The following GALNT14 variants were observed in gnomAD, a reference collection of about 807,000 sequenced individuals.
The protein encoded by GALNT14 is polypeptide N-acetylgalactosaminyltransferase 14, also known as UDP-GalNAc:polypeptide N-acetylgalactosaminyltransferase 14.
GALNT14 carries 60 observed loss-of-function variants against 77.5 expected under a neutral mutation model. That is an observed-to-expected ratio of 0.77 (90% CI 0.63 to 0.96). The LOEUF is 0.96. Among genes scored for constraint, GALNT14 ranks in the 40% least tolerant of loss-of-function variants. The pLI is 0.00. For synonymous variants in GALNT14, 280 were observed against 281.7 expected (o/e 0.99, Z 0.06); for missense variants, 710 against 731.0 (o/e 0.97, Z 0.33).
At chr2:30,982,659 C>G (rs1250119408) in intron 2 of GALNT14, among the ~76,000 whole-genome samples, 1 of 152,130 alleles carries the variant, frequency 6.6e-6, no homozygotes, top group Admixed American at 6.5e-5. Flanking sequence ...TCTGATGGGG[C>G]ACGGGCATAA....
At chr2:31,062,262 G>T (rs1205519829) in intron 1 of GALNT14, among the ~76,000 whole-genome samples, 1 of 152,044 alleles carries the variant, frequency 6.6e-6, no homozygotes, top group Non-Finnish European at 1.5e-5. Context: ...CCCTCCCTGT[G>T]TCCACGTGTT....
chr2:30,947,629 C>T (rs894035114), intron 6 of GALNT14, among the ~76,000 whole-genome samples: 12 of 152,204 alleles, frequency 7.9e-5, no homozygotes, highest in African/African-American at 2.7e-4. Context: ...CCAGCAGGTC[C>T]CTGGGAACCA....
chr2:30,975,703 C>T (rs1329783279), intron 2 of GALNT14, among the ~76,000 whole-genome samples: 1 of 152,040 alleles, frequency 6.6e-6, no homozygotes, highest in Non-Finnish European at 1.5e-5. Context: ...GTATATAATA[C>T]AAATTAAAAT....
intron 1 of GALNT14, among the ~76,000 whole-genome samples, chr2:31,064,045 G>A (rs372743089): frequency 2.0e-5 from 3 of 152,146 alleles, no homozygotes; most frequent in East Asian, 1.9e-4. Flanking sequence ...TTTTGCAGAT[G>A]GCAAAGAAGG....
intron 4 of GALNT14, among the ~76,000 whole-genome samples, chr2:30,957,146 C>T (rs1573034389): frequency 6.6e-6 from 1 of 152,146 alleles, no homozygotes; most frequent in East Asian, 1.9e-4. Flanking sequence ...GGCCTCCCTG[C>T]TTGGCTCTGA....
Position 31,075,489 on chromosome 2 carries a change from C to T in GALNT14, c.129+62469G>A, listed in dbSNP as rs142229563. On this transcript the variant is annotated intron_variant, in intron 1 of 14. Transcript: ENST00000349752. Reference sequence around the variant, plus strand: ...GAAACAATCTCTGCGTCCTGGAGATCGGCTTGAAAAGTGTTTCTTGAATGA... The same window carrying T: ...GAAACAATCTCTGCGTCCTGGAGATTGGCTTGAAAAGTGTTTCTTGAATGA... Among the ~76,000 whole-genome samples, 322 of 152,258 alleles carry T rather than the reference C, an allele frequency of 2.1e-3. 1 individual carries two copies. Among genetic ancestry groups the T allele is most frequent in the African/African-American group, 7.4e-3 (307 of 41,552 alleles).
chr2:31,020,452 C>A (rs1573176432), intron 1 of GALNT14, among the ~76,000 whole-genome samples: 1 of 152,218 alleles, frequency 6.6e-6, no homozygotes, highest in Non-Finnish European at 1.5e-5. Flanking sequence ...TCAGAGCACC[C>A]TCTCTGGGTA....
In GALNT14 at chr2:30,917,076, C is replaced by CAAAAAAAAAAAAAAAAAAA. The variant is rs529653696; in HGVS notation, c.1381-4753_1381-4735dup. Among the ~76,000 whole-genome samples the CAAAAAAAAAAAAAAAAAAA allele has an allele frequency of 5.0e-4, 10 of 19,892 alleles. 3 individuals are homozygous for CAAAAAAAAAAAAAAAAAAA. The highest frequency in any genetic ancestry group is 8.3e-4 in the Non-Finnish European group (9 of 10,810). The allele number at this position is 19,892 out of a possible 152,430, so 13.0% of individuals were successfully genotyped here. A position where few individuals can be genotyped will look rare whatever the true frequency, so the allele number is the denominator to read the frequency against. On this transcript the variant is annotated intron_variant, in intron 13 of 14. Transcript: ENST00000349752. ...TGGGCAAAAGAGTAAGACTCCGTCT[C>CAAAAAAAAAAAAAAAAAAA]AAAAAAAAAAAAAAAAAAAAAAAAA...
chr2:30,982,802 T>C (rs1047536805), intron 2 of GALNT14, among the ~76,000 whole-genome samples: 2 of 152,236 alleles, frequency 1.3e-5, no homozygotes, highest in Non-Finnish European at 2.9e-5. Context: ...CATATGTATC[T>C]TATATTTCAA....
intron 2 of GALNT14, among the ~76,000 whole-genome samples, chr2:30,986,226 G>A (rs1163540221): frequency 1.3e-5 from 2 of 152,206 alleles, no homozygotes; most frequent in Non-Finnish European, 2.9e-5. Context: ...CACAGACCCA[G>A]CCAGGCCAGG....
At chr2:31,019,247 ACT>A (rs1325211403) in intron 1 of GALNT14, among the ~76,000 whole-genome samples, 1 of 151,922 alleles carries the variant, frequency 6.6e-6, no homozygotes, top group Non-Finnish European at 1.5e-5. Flanking sequence ...TTCTGCTGAC[ACT>A]CTATTTCAAC....
chr2:31,114,730 G>A (rs936959835), intron 1 of GALNT14: 1 of 715,836 alleles, frequency 1.4e-6, no homozygotes, highest in African/African-American at 1.7e-5. Flanking sequence ...ACAAATGGAA[G>A]TAAAGAATTT....
chr2:30,954,103 G>A (rs370434098), intron 6 of GALNT14, among the ~76,000 whole-genome samples: 14 of 152,146 alleles, frequency 9.2e-5, no homozygotes, highest in East Asian at 5.8e-4. Flanking sequence ...GAGGGGAGCC[G>A]TGGACGAGGC....
chr2:30,960,724 A>G (rs11886363), intron 3 of GALNT14, among the ~76,000 whole-genome samples: 44,558 of 151,758 alleles, frequency 0.29, 7,735 homozygotes, highest in East Asian at 0.53. Context: ...GCCCTCCCTC[A>G]TGCACACCCA....
chr2:31,013,032 C>T (rs1375936106), intron 1 of GALNT14, among the ~76,000 whole-genome samples: 1 of 152,184 alleles, frequency 6.6e-6, no homozygotes, highest in Non-Finnish European at 1.5e-5. Flanking sequence ...AGTGCAGGCA[C>T]AGCAGGAAAT....
At chr2:30,979,342 A>AGGGT (rs1293410280) in intron 2 of GALNT14, among the ~76,000 whole-genome samples, 4 of 152,182 alleles carry the variant, frequency 2.6e-5, no homozygotes, top group Admixed American at 1.3e-4. Context: ...GAAAGTCTGA[A>AGGGT]GGGTGGTGGC....
rs189839989 is a variant in GALNT14, at chr2:31,067,229, C to T, written c.129+70729G>A. On this transcript the variant is annotated intron_variant, in intron 1 of 14. Transcript: ENST00000349752. ...AACAGGAGATTCCCATAGTCAGTCTCAGTGCTCTGTGCTGCAGAGAGGAAT... is the reference window on the plus strand; with the variant it reads ...AACAGGAGATTCCCATAGTCAGTCTTAGTGCTCTGTGCTGCAGAGAGGAAT... Among the ~76,000 whole-genome samples, 215 of 152,304 alleles carry T rather than the reference C, an allele frequency of 1.4e-3. 2 individuals are homozygous for T. The highest frequency in any genetic ancestry group is 4.8e-3 in the African/African-American group (201 of 41,564).
At chr2:30,898,099 C>G in the GALNT14 span, among the ~76,000 whole-genome samples, 1 of 152,030 alleles carries the variant, frequency 6.6e-6, no homozygotes, top group Non-Finnish European at 1.5e-5. Flanking sequence ...AGGGTGGAGC[C>G]CCTGTGAGTG....
At chr2:31,092,472 A>G (rs556995612) in intron 1 of GALNT14, among the ~76,000 whole-genome samples, 14 of 152,260 alleles carry the variant, frequency 9.2e-5, no homozygotes, top group African/African-American at 3.4e-4. Context: ...TTCAATCTAC[A>G]GCAGAGGGAT....
Sources: gnomAD v4.1 joint callset for allele counts (sites outside exome capture counted in the v4.1 genomes callset) on GRCh38, gnomAD v4.1.1 for gene constraint, MANE v1.5 for transcripts, NCBI Gene and HGNC (gene_info 2026-07-23, HGNC 2026-07-21) for gene names.